ARHGAP8: variants seen among roughly 807,000 people sequenced by gnomAD.
The protein encoded by ARHGAP8 is rho GTPase-activating protein 8.
Under a neutral mutation model 46.1 loss-of-function variants are expected in ARHGAP8, and 62 were observed. That is an observed-to-expected ratio of 1.34 (90% CI 1.10 to 1.66). ARHGAP8 has a LOEUF of 1.66. ARHGAP8 is among the 40% of genes most tolerant of loss of function. The probability of loss-of-function intolerance (pLI) is 0.00; values close to 1 mark genes in which losing one functional copy is unlikely to be tolerated. For missense variants in ARHGAP8, 923 were observed against 568.4 expected, an observed-to-expected ratio of 1.62 and a Z score of -6.34; for synonymous variants, 375 against 243.1, an observed-to-expected ratio of 1.54 and a Z score of -5.05.
intron 2 of ARHGAP8, among the ~76,000 whole-genome samples, chr22:44,798,908 G>C (rs111346339): frequency 6.6e-6 from 1 of 151,990 alleles, no homozygotes. Flanking sequence ...GGGATTACAG[G>C]CATGTGCAAC....
chr22:44,849,255 C>G (rs891732458), intron 10 of ARHGAP8, 195 bp downstream of exon 10: 1 of 1,071,262 alleles, frequency 9.3e-7, no homozygotes, highest in Admixed American at 2.8e-5. Flanking sequence ...CCACACTGTC[C>G]AAAGGCAGAG....
intron 2 of ARHGAP8, among the ~76,000 whole-genome samples, chr22:44,799,835 G>A (rs938354768): frequency 6.7e-5 from 10 of 150,050 alleles, no homozygotes; most frequent in Admixed American, 2.7e-4. Flanking sequence ...GGGGTGGGTG[G>A]TGACATCAGA....
intron 10 of ARHGAP8, among the ~76,000 whole-genome samples, chr22:44,856,516 C>T (rs1381087670): frequency 1.3e-5 from 2 of 151,952 alleles, no homozygotes; most frequent in Non-Finnish European, 1.5e-5. Context: ...TCAGGTGATC[C>T]ATCCGTCTCG....
At chr22:44,772,223 CTTTTTTTTTTT>C (rs71188484) in intron 1 of ARHGAP8, among the ~76,000 whole-genome samples, 18 of 16,430 alleles carry the variant, frequency 1.1e-3, no homozygotes, top group Admixed American at 1.5e-3. Context: ...ACTGTTTTGC[CTTTTTTTTTTT>C]TTTTTTTTTT....
intron 4 of ARHGAP8, 90 bp from the exon 5 acceptor site, chr22:44,814,582 C>T: frequency 9.3e-7 from 1 of 1,072,426 alleles, no homozygotes. Context: ...TTCTGAGACT[C>T]ACAGTGGAGG....
At chr22:44,762,787 A>G (rs971051260) in intron 1 of ARHGAP8, among the ~76,000 whole-genome samples, 2 of 151,780 alleles carry the variant, frequency 1.3e-5, no homozygotes, top group Admixed American at 6.6e-5. Context: ...TAGGTAATCC[A>G]CCTGCCTCAG....
At chr22:44,827,203 A>G (rs1472560318) in intron 7 of ARHGAP8, among the ~76,000 whole-genome samples, 1 of 152,080 alleles carries the variant, frequency 6.6e-6, no homozygotes, top group Admixed American at 6.5e-5. Context: ...CAAGGCACTC[A>G]GGCACCTCTA....
Position 44,822,489 on chromosome 22 carries a change from C to T in ARHGAP8, c.485+20C>T, listed in dbSNP as rs761269673. 2.3e-5 allele frequency: 35 copies of T among 1,520,300 alleles called. No individual in the cohort carries two copies. Among genetic ancestry groups the T allele is most frequent in the Admixed American group, 1.8e-4 (7 of 39,528 alleles). 94.2% of individuals were successfully genotyped at this position (1,520,300 alleles called of 1,614,324 possible). On this transcript the variant is annotated intron_variant, in intron 6 of 11. Coordinates refer to ENST00000356099, the MANE Select transcript of ARHGAP8 (RefSeq NM_181335.3). ...TTTGCGGTAAGTGCCTGTTAGACCC[C>T]AGAAGCCGCATCAATACATCTTCGT...
intron 2 of ARHGAP8, among the ~76,000 whole-genome samples, chr22:44,787,470 A>G (rs2147050226): frequency 6.6e-6 from 1 of 152,146 alleles, no homozygotes; most frequent in African/African-American, 2.4e-5. Context: ...TCAGCCTCCC[A>G]AGTAGCTGGG....
chr22:44,847,907 C>T (rs1353348824), intron 8 of ARHGAP8, 66 bp from the exon 9 acceptor site: 9 of 1,590,678 alleles, frequency 5.7e-6, no homozygotes. Flanking sequence ...AGGGGAGTGT[C>T]ATATAATGTC....
chr22:44,819,811 G>A (rs980965333), intron 5 of ARHGAP8, among the ~76,000 whole-genome samples: 1 of 152,228 alleles, frequency 6.6e-6, no homozygotes, highest in African/African-American at 2.4e-5. Context: ...AGAAGAGGAG[G>A]TTGGTGCTCA....
At chr22:44,818,704 TC>T (rs1013812129) in intron 5 of ARHGAP8, among the ~76,000 whole-genome samples, 14 of 145,574 alleles carry the variant, frequency 9.6e-5, no homozygotes, top group African/African-American at 3.9e-4. Context: ...TCCTTCCTTT[TC>T]TCTTTTTTTT....
At chr22:44,825,388 GTGT>G in intron 6 of ARHGAP8, 92 bp from the exon 7 acceptor site, 1 of 1,342,014 alleles carries the variant, frequency 7.5e-7, no homozygotes, top group Non-Finnish European at 1.0e-6. Context: ...AGATGCCCAG[GTGT>G]CCTGCAGGTG....
intron 7 of ARHGAP8, among the ~76,000 whole-genome samples, 182 bp downstream of exon 7, chr22:44,825,775 G>A (rs1033229019): frequency 2.7e-5 from 4 of 150,898 alleles, no homozygotes; most frequent in African/African-American, 7.3e-5. Flanking sequence ...GCCTGGTTGG[G>A]GGGGCGCGTG....
At chr22:44,844,249 C>T (rs1436781420) in intron 7 of ARHGAP8, among the ~76,000 whole-genome samples, 6 of 152,084 alleles carry the variant, frequency 3.9e-5, no homozygotes, top group East Asian at 1.9e-4. Flanking sequence ...GAATTACAGG[C>T]GTGAGCTACT....
chr22:44,849,670 CG>C (rs1569179462), intron 10 of ARHGAP8: 1 of 152,320 alleles, frequency 6.6e-6, no homozygotes, highest in Non-Finnish European at 1.5e-5. Context: ...CATCGAACAC[CG>C]TCTTTTCAAA....
At chr22:44,852,629 C>CT (rs1569181091) in intron 10 of ARHGAP8, among the ~76,000 whole-genome samples, 1 of 152,140 alleles carries the variant, frequency 6.6e-6, no homozygotes. Flanking sequence ...AGTGCTGTGA[C>CT]TAGGTCACTC....
intron 9 of ARHGAP8, 43 bp from the exon 10 acceptor site, chr22:44,848,889 A>G (rs1463980406): frequency 1.9e-6 from 3 of 1,610,316 alleles, no homozygotes; most frequent in African/African-American, 1.3e-5. Context: ...GGCAGTGCCC[A>G]GGCCGGGGTG....
intron 1 of ARHGAP8, chr22:44,786,130 G>A (rs1393799064): frequency 2.2e-6 from 1 of 450,094 alleles, no homozygotes; most frequent in East Asian, 4.5e-5. Context: ...GCATGGCTGA[G>A]GTAGGTCGCA....
Sources: allele counts gnomAD v4.1 joint callset (sites outside exome capture counted in the v4.1 genomes callset), GRCh38; gene constraint gnomAD v4.1.1; transcripts MANE v1.5; gene names NCBI Gene and HGNC (gene_info 2026-07-23, HGNC 2026-07-21).